Variants in SASS6 observed in about 807,000 individuals in gnomAD.
The protein encoded by SASS6 is SAS-6 centriolar assembly protein, also known as spindle assembly abnormal protein 6 homolog.
A neutral mutation model predicts 94.9 loss-of-function variants in SASS6; 59 were observed. That is an observed-to-expected ratio of 0.62 (90% confidence interval 0.50 to 0.77). The LOEUF (loss-of-function observed/expected upper bound fraction) is 0.77, where lower values mean the gene tolerates loss of function less well. Among genes scored for constraint, SASS6 ranks in the 30% least tolerant of loss-of-function variants. SASS6 has a pLI of 0.00. For missense variants in SASS6, 698 were observed against 734.1 expected, an observed-to-expected ratio of 0.95 and a Z score of 0.57; for synonymous variants, 264 against 270.0, an observed-to-expected ratio of 0.98 and a Z score of 0.22.
At chr1:100,107,740 GAAT>G (rs773513682) in intron 9 of SASS6, 23 bp from the exon 10 acceptor site, 12 of 1,551,910 alleles carry the variant, frequency 7.7e-6, no homozygotes, top group Middle Eastern at 1.7e-4. Flanking sequence ...TTAAAAACAT[GAAT>G]AATTAGGGCA....
chr1:100,095,035 A>T (rs745636713), intron 14 of SASS6, among the ~76,000 whole-genome samples: 7 of 152,224 alleles, frequency 4.6e-5, no homozygotes, highest in Non-Finnish European at 8.8e-5. Context: ...GACCATATCA[A>T]TTGAAAAAGC....
intron 14 of SASS6, among the ~76,000 whole-genome samples, chr1:100,101,218 G>A (rs1028214330): frequency 5.3e-5 from 8 of 152,014 alleles, no homozygotes; most frequent in Admixed American, 2.0e-4. Context: ...ATCAGATTCC[G>A]CCTTCTTAAC....
At chr1:100,124,102 C>T (rs74102378) in intron 2 of SASS6, among the ~76,000 whole-genome samples, 4,870 of 152,180 alleles carry the variant, frequency 0.032, 290 homozygotes, top group African/African-American at 0.11. Context: ...TGCTAAGATC[C>T]TAGAAAAATC....
intron 7 of SASS6, among the ~76,000 whole-genome samples, chr1:100,116,847 A>T (rs1653830948): frequency 6.6e-6 from 1 of 152,184 alleles, no homozygotes; most frequent in African/African-American, 2.4e-5. Context: ...TACTGTTAGG[A>T]CTAGGAAGCC....
chr1:100,106,573 C>T (rs775805771), intron 12 of SASS6, among the ~76,000 whole-genome samples: 12 of 152,266 alleles, frequency 7.9e-5, no homozygotes, highest in Non-Finnish European at 1.2e-4. Flanking sequence ...CAGCCGAGCA[C>T]GATGGCTAAC....
intron 7 of SASS6, among the ~76,000 whole-genome samples, chr1:100,111,036 T>C (rs1653290636): frequency 6.6e-6 from 1 of 152,060 alleles, no homozygotes; most frequent in Admixed American, 6.6e-5. Flanking sequence ...TGTGCAATAT[T>C]TAGTGCCTGT....
At chr1:100,105,693 C>A in intron 13 of SASS6, 74 bp downstream of exon 13, 3 of 1,450,920 alleles carry the variant, frequency 2.1e-6, no homozygotes, top group Non-Finnish European at 2.9e-6. Context: ...ATCATGGAAA[C>A]TTCCTAACAA....
chr1:100,092,024 A>T (rs1284797420), intron 14 of SASS6, among the ~76,000 whole-genome samples: 1 of 150,364 alleles, frequency 6.7e-6, no homozygotes, highest in East Asian at 1.9e-4. Context: ...AAAAAAAAAA[A>T]AAAAAAAAAA....
In SASS6 at chr1:100,084,921, A is replaced by T. The variant is rs1377613731; in HGVS notation, c.*407T>A. On this transcript the variant is annotated 3_prime_UTR_variant, in exon 17 of 17. Coordinates refer to ENST00000287482, the MANE Select transcript of SASS6 (RefSeq NM_194292.3). ...AGGTGTTGAATTTAAAAGTTTTACC[A>T]ATGAAAGTGATAAAATGAATTAGTA... 1.3e-5 allele frequency: 2 copies of T among 155,190 alleles called. No individual in the cohort carries two copies. The highest frequency in any genetic ancestry group is 4.8e-5 in the African/African-American group (2 of 41,498). The allele number at this position is 155,190 out of a possible 1,614,324, so 9.6% of individuals were successfully genotyped here.
chr1:100,115,853 AG>A (rs984343088), intron 7 of SASS6, among the ~76,000 whole-genome samples: 21 of 152,192 alleles, frequency 1.4e-4, no homozygotes, highest in African/African-American at 5.1e-4. Context: ...TAATAGAGGT[AG>A]TATTTTAAAT....
intron 8 of SASS6, 100 bp from the exon 9 acceptor site, chr1:100,108,104 T>A: frequency 1.6e-6 from 1 of 642,792 alleles, no homozygotes; most frequent in Non-Finnish European, 2.5e-6. Context: ...AAAAAAGTCT[T>A]TAATAATTTT....
At chr1:100,090,924 C>T (rs1156814408) in intron 14 of SASS6, among the ~76,000 whole-genome samples, 1 of 152,072 alleles carries the variant, frequency 6.6e-6, no homozygotes, top group East Asian at 1.9e-4. Context: ...GCTTTGGGAA[C>T]CGAACTATGG....
chr1:100,100,121 C>T (rs1333105165), intron 14 of SASS6, among the ~76,000 whole-genome samples: 1 of 151,990 alleles, frequency 6.6e-6, no homozygotes, highest in Non-Finnish European at 1.5e-5. Flanking sequence ...CAAAAATTAG[C>T]CAGGTGTGGT....
At chr1:100,118,111 T>C (rs889818236) in intron 7 of SASS6, among the ~76,000 whole-genome samples, 5 of 151,256 alleles carry the variant, frequency 3.3e-5, no homozygotes, top group African/African-American at 1.2e-4. Flanking sequence ...AGGTTGGGAG[T>C]TCAAGACCAG....
Position 100,119,119 on chromosome 1 carries a change from G to GT in SASS6, c.567dup (p.Gln190ThrfsTer5), listed in dbSNP as rs778258887. 1.6e-4 allele frequency: 254 copies of GT among 1,555,968 alleles called. No homozygotes were observed. The highest frequency in any genetic ancestry group is 2.6e-4 in the South Asian group (22 of 83,492). On this transcript the variant is annotated frameshift_variant, in exon 7 of 17. Coordinates refer to ENST00000287482, the MANE Select transcript of SASS6 (RefSeq NM_194292.3). LOFTEE classifies it high-confidence loss of function. ...TCATTCCGTAACTTATCTAATTCTT[G>GT]TTTTTTTTCTGCTAATGTCTACATT...
chr1:100,101,333 GT>G (rs574489210), intron 14 of SASS6, among the ~76,000 whole-genome samples: 39 of 145,800 alleles, frequency 2.7e-4, no homozygotes, highest in South Asian at 6.6e-4. Context: ...CTGTTTTAGG[GT>G]TTTTTTTTTT....
Position 100,084,095 on chromosome 1 carries a change from G to A in SASS6, c.*1233C>T, listed in dbSNP as rs1407862985. 6.7e-6 allele frequency: 1 copy of A among 149,962 alleles called. No individual in the cohort carries two copies. The highest frequency in any genetic ancestry group is 1.9e-4 in the East Asian group (1 of 5,134). 9.3% of individuals were successfully genotyped at this position (149,962 alleles called of 1,614,324 possible). On this transcript the variant is annotated 3_prime_UTR_variant, in exon 17 of 17. Transcript: ENST00000287482. ...ACTGAATTTTCAGATTAGATCCCTAGTTTAAAGACACTTGCAATTGCCAAT... is the reference window on the plus strand; with the variant it reads ...ACTGAATTTTCAGATTAGATCCCTAATTTAAAGACACTTGCAATTGCCAAT...
At position 100,119,078 on chromosome 1, in the gene SASS6, T is replaced by C; in HGVS notation, c.609A>G (p.Thr203=). The part of the protein sequence containing the change: ...DKLRNEWASH[T]AALTNKHSQE... ...GAGAATGCTTGTTTGTCAAGGCTGC[T>C]GTATGTGACGCCCATTCATTCCGTA... Residue 203 remains threonine (T), a synonymous_variant, in exon 7 of 17, where the codon ACA becomes ACG. Transcript: ENST00000287482. 1 of 1,590,894 alleles carries C rather than the reference T, an allele frequency of 6.3e-7. No homozygotes were observed. Among genetic ancestry groups the C allele is most frequent in the African/African-American group, 1.3e-5 (1 of 74,776 alleles).
chr1:100,132,650 A>T, intron 1 of SASS6, 100 bp downstream of exon 1: 2 of 981,174 alleles, frequency 2.0e-6, no homozygotes, highest in South Asian at 2.6e-5. Flanking sequence ...CCGACTCGAC[A>T]CCTAGGTGCA....
Sources: allele counts gnomAD v4.1 joint callset (sites outside exome capture counted in the v4.1 genomes callset), GRCh38; gene constraint gnomAD v4.1.1; transcripts MANE v1.5; gene names NCBI Gene and HGNC (gene_info 2026-07-23, HGNC 2026-07-21).